The following BMP4 variants were observed in gnomAD, a reference collection of about 807,000 sequenced individuals.
The protein encoded by BMP4 is bone morphogenetic protein 4.
Under a neutral mutation model 29.6 loss-of-function variants are expected in BMP4, and 3 were observed. The observed-to-expected ratio is 0.10, with a 90% CI of 0.05 to 0.26. BMP4 has a LOEUF of 0.26. BMP4 is among the 10% of genes least tolerant of loss of function. BMP4 has a pLI of 1.00. For synonymous variants in BMP4, 197 were observed against 213.2 expected, an observed-to-expected ratio of 0.92 and a Z score of 0.66; for missense variants, 455 against 550.2, an observed-to-expected ratio of 0.83 and a Z score of 1.73.
At chr14:53,956,495 A>G in intron 1 of BMP4, 55 bp downstream of exon 1, 2 of 399,290 alleles carry the variant, frequency 5.0e-6, no homozygotes, top group Non-Finnish European at 4.4e-6. Flanking sequence ...CTTCCCCCCA[A>G]GGAGGCTCCT....
Position 53,949,883 on chromosome 14 carries a change from C to CAA in BMP4, c.*148_*149insTT. 1.6e-6 allele frequency: 1 copy of CAA among 643,742 alleles called. No individual in the cohort carries two copies. The highest frequency in any genetic ancestry group is 2.4e-6 in the Non-Finnish European group (1 of 423,472). The allele number at this position is 643,742 out of a possible 1,614,324, so 39.9% of individuals were successfully genotyped here. A position where few individuals can be genotyped will look rare whatever the true frequency, so the allele number is the denominator to read the frequency against. ...AAGGTGAATGTTTAGGGATTTTTTCCTTTTTTTTTTTTTTTTTTAAATAAA... is the reference window on the plus strand; with the variant it reads ...AAGGTGAATGTTTAGGGATTTTTTCCAATTTTTTTTTTTTTTTTTTAAATAAA... On this transcript the variant is annotated 3_prime_UTR_variant, in exon 4 of 4. Transcript: ENST00000245451.
chr14:53,949,989 T>C lies in BMP4; in HGVS notation c.*43A>G. On this transcript the variant is annotated 3_prime_UTR_variant, in exon 4 of 4. Coordinates refer to ENST00000245451, the MANE Select transcript of BMP4 (RefSeq NM_001202.6). ...GTGTGTGTGGTGTATGTGGTGTGTG[T>C]GTGTGGTGTGTATATCTGTCTATCC... The C allele has an allele frequency of 6.2e-7, 1 of 1,608,418 alleles. No individual in the cohort carries two copies. The highest frequency in any genetic ancestry group is 8.5e-7 in the Non-Finnish European group (1 of 1,176,676).
intron 1 of BMP4, among the ~76,000 whole-genome samples, chr14:53,953,786 G>C (rs1895584069): frequency 6.6e-6 from 1 of 151,928 alleles, no homozygotes; most frequent in African/African-American, 2.4e-5. Context: ...CGCACTGAAG[G>C]GACTGCGTCT....
rs1264231997 is a variant in BMP4, at chr14:53,952,065, A to G, written c.158T>C (p.Leu53Pro). 1 of 1,614,186 alleles carries G rather than the reference A, an allele frequency of 6.2e-7. No individual in the cohort carries two copies. Among genetic ancestry groups the G allele is most frequent in the Non-Finnish European group, 8.5e-7 (1 of 1,180,042 alleles). Reference protein sequence around the residue: ...GGRRSGQSHELLRDFEATLLQ... With the variant: ...GGRRSGQSHEPLRDFEATLLQ... Reference sequence around the variant, plus strand: ...AAGTGTCGCCTCGAAGTCCCGCAGGAGCTCATGGCTCTGCCCTGAGCGGCG... The same window carrying G: ...AAGTGTCGCCTCGAAGTCCCGCAGGGGCTCATGGCTCTGCCCTGAGCGGCG... The change falls in exon 3 of 4, where the codon CTC (leucine) becomes CCC (proline). Residue 53 changes from leucine (L) to proline (P), a missense_variant. Transcript: ENST00000245451.
chr14:53,954,118 G>A lies in BMP4; in HGVS notation c.-132-718C>T, dbSNP rs1052458483. On this transcript the variant is annotated intron_variant, in intron 1 of 3. Coordinates refer to ENST00000245451, the MANE Select transcript of BMP4 (RefSeq NM_001202.6). This position sits in a 1 kb window ranked among gnomAD's most constrained non-coding sequence, Gnocchi z 4.8. Reference sequence around the variant, plus strand: ...CCGACCTTGTCACGCGCGGGGCCGGGAATGGGAGGGAGGGTGTTAGAGGGT... The same window carrying A: ...CCGACCTTGTCACGCGCGGGGCCGGAAATGGGAGGGAGGGTGTTAGAGGGT... Among the ~76,000 whole-genome samples, 2 of 152,196 alleles carry A rather than the reference G, an allele frequency of 1.3e-5. No individual in the cohort carries two copies. Among genetic ancestry groups the A allele is most frequent in the African/African-American group, 4.8e-5 (2 of 41,462 alleles).
At position 53,952,008 on chromosome 14, in the gene BMP4, T is replaced by A; in HGVS notation, c.215A>T (p.Gln72Leu). 2 of 1,613,986 alleles carry A rather than the reference T, an allele frequency of 1.2e-6. No homozygotes were observed. The highest frequency in any genetic ancestry group is 1.7e-6 in the Non-Finnish European group (2 of 1,180,040). Residue 72 changes from glutamine to leucine, a missense_variant, in exon 3 of 4, where the codon CAG becomes CTG. Physicochemically the swap from Gln to Leu is moderately radical, Grantham distance 113. Around this residue, in one of 4 missense-constraint regions of BMP4, gnomAD observed 249 missense variants for 284.6 expected, o/e 0.87. Coordinates refer to ENST00000245451, the MANE Select transcript of BMP4 (RefSeq NM_001202.6). ...LQMFGLRRRP[Q>L]PSKSAVIPDY... ...CGGAATGACGGCACTCTTGCTAGGC[T>A]GCGGGCGGCGGCGCAGCCCAAACAT...
chr14:53,956,414 C>A, intron 1 of BMP4, 136 bp downstream of exon 1: 1 of 398,016 alleles, frequency 2.5e-6, no homozygotes, highest in South Asian at 1.4e-4. Flanking sequence ...CGCCAGCATC[C>A]CCACCTCCAG....
chr14:53,952,313 A>C, intron 2 of BMP4, 84 bp from the exon 3 acceptor site: 1 of 1,498,188 alleles, frequency 6.7e-7, no homozygotes, highest in East Asian at 2.3e-5. Context: ...CTGCATATGC[A>C]TTTAGGGCTA....
chr14:53,956,297 G>T (rs993113053), intron 1 of BMP4, among the ~76,000 whole-genome samples: 6 of 152,086 alleles, frequency 3.9e-5, no homozygotes, highest in Non-Finnish European at 8.8e-5. Flanking sequence ...GGCTTCTCTT[G>T]TTTCTGCTCT....
In BMP4 at chr14:53,954,188, C is replaced by G. The variant is rs1292145791; in HGVS notation, c.-132-788G>C. Among the ~76,000 whole-genome samples the G allele has an allele frequency of 6.6e-6, 1 of 152,008 alleles. No individual in the cohort carries two copies. The highest frequency in any genetic ancestry group is 2.4e-5 in the African/African-American group (1 of 41,400). ...GAGGGAGCGGCTGTTAGTCATTGCT[C>G]CGGGTCCATTACCGAGAATCCCCAA... On this transcript the variant is annotated intron_variant, in intron 1 of 3. Coordinates refer to ENST00000245451, the MANE Select transcript of BMP4 (RefSeq NM_001202.6). This position sits in a 1 kb window ranked among gnomAD's most constrained non-coding sequence, Gnocchi z 4.8.
rs898938343 is a variant in BMP4 at position 53,950,462 on chromosome 14, G to A, written c.797C>T (p.Ala266Val). 3 of 1,613,934 alleles carry A rather than the reference G, an allele frequency of 1.9e-6. No homozygotes were observed. The highest frequency in any genetic ancestry group is 2.7e-5 in the African/African-American group (2 of 75,078). ...GGTGACCAGGAGGGGCCGGAGCTGG[G>A]CCCAATTCCCACTCCCTTGAGGTAA... ...RSLPQGSGNW[A>V]QLRPLLVTFG... The change falls in exon 4 of 4, where the codon GCC (alanine) becomes GTC (valine). Residue 266 changes from alanine to valine, a missense_variant. Physicochemically the swap from Ala to Val is moderately conservative, Grantham distance 64. Transcript: ENST00000245451. This position sits in a 1 kb window ranked among gnomAD's most constrained non-coding sequence, Gnocchi z 5.4.
intron 1 of BMP4, 193 bp from the exon 2 acceptor site, chr14:53,953,593 C>T: frequency 2.8e-6 from 1 of 354,168 alleles, no homozygotes; most frequent in African/African-American, 2.1e-5. Context: ...CCTCCGCGCC[C>T]GCCGCCCGAG....
chr14:53,949,774 T>C lies in BMP4; in HGVS notation c.*258A>G. 2.6e-6 allele frequency: 1 copy of C among 391,084 alleles called. No individual in the cohort carries two copies. The highest frequency in any genetic ancestry group is 4.5e-6 in the Non-Finnish European group (1 of 219,904). The allele number at this position is 391,084 out of a possible 1,614,324, so 24.2% of individuals were successfully genotyped here. A position where few individuals can be genotyped will look rare whatever the true frequency, so the allele number is the denominator to read the frequency against. On this transcript the variant is annotated 3_prime_UTR_variant, in exon 4 of 4. Coordinates refer to ENST00000245451, the MANE Select transcript of BMP4 (RefSeq NM_001202.6). ...TAATGACTCATTTTATTTTTTTCTT[T>C]TAATACGTAGTTATAAATATATTTT...
chr14:53,955,307 C>G lies in BMP4; in HGVS notation c.-133+1243G>C, dbSNP rs1895673925. Among the ~76,000 whole-genome samples, 1 of 152,184 alleles carries G rather than the reference C, an allele frequency of 6.6e-6. No homozygotes were observed. Among genetic ancestry groups the G allele is most frequent in the African/African-American group, 2.4e-5 (1 of 41,456 alleles). On this transcript the variant is annotated intron_variant, in intron 1 of 3. Coordinates refer to ENST00000245451, the MANE Select transcript of BMP4 (RefSeq NM_001202.6). This position sits in a 1 kb window ranked among gnomAD's most constrained non-coding sequence, Gnocchi z 4.0. ...CCGGGTTCCCCGGAAAACCCTCGGC[C>G]CCAAGGAATCTCCTGGGGCGGGAGA...
chr14:53,956,101 C>G (rs948124896), intron 1 of BMP4: 13 of 154,226 alleles, frequency 8.4e-5, no homozygotes, highest in African/African-American at 3.1e-4. Flanking sequence ...TACCGCAGAA[C>G]CTGCTCCAGC....
At chr14:53,951,782 C>G in intron 3 of BMP4, 71 bp downstream of exon 3, 1 of 1,571,108 alleles carries the variant, frequency 6.4e-7, no homozygotes, top group East Asian at 2.2e-5. Flanking sequence ...CTCTTCTTCC[C>G]CAGGGCTTTC....
In BMP4 at chr14:53,951,930, T is replaced by C. The variant is rs1376487986; in HGVS notation, c.293A>G (p.Gln98Arg). 6 of 1,606,434 alleles carry C rather than the reference T, an allele frequency of 3.7e-6. No individual in the cohort carries two copies. The highest frequency in any genetic ancestry group is 5.1e-6 in the Non-Finnish European group (6 of 1,179,978). Residue 98 changes from glutamine (Q) to arginine (R), a missense_variant, in exon 3 of 4, where the codon CAG becomes CGG. Gln to Arg is a conservative substitution (Grantham distance 43, BLOSUM62 1). Around this residue, in one of 4 missense-constraint regions of BMP4, gnomAD observed 249 missense variants for 284.6 expected, o/e 0.87. Transcript: ENST00000245451. The part of the protein sequence containing the change: ...RLQSGEEEEE[Q>R]IHSTGLEYPE... ...ATACTCAAGACCAGTGCTGTGGATC[T>C]GCTCTTCCTCCTCCTCCCCAGACTG...
In BMP4 at chr14:53,950,105, T is replaced by A. The variant is rs1166095129; in HGVS notation, c.1154A>T (p.Tyr385Phe). The A allele has an allele frequency of 6.2e-7, 1 of 1,614,174 alleles. No homozygotes were observed. The highest frequency in any genetic ancestry group is 8.5e-7 in the Non-Finnish European group (1 of 1,180,022). ...TACCACCTTATCATACTCATCCAGG[T>A]ACAGCATGGAGATGGCACTCAGTTC... ...PTELSAISML[Y>F]LDEYDKVVLK... Residue 385 changes from tyrosine to phenylalanine, a missense_variant, in exon 4 of 4, where the codon TAC becomes TTC. Around this residue, in one of 4 missense-constraint regions of BMP4, gnomAD observed 48 missense variants for 90.4 expected, o/e 0.53. Transcript: ENST00000245451. This position sits in a 1 kb window ranked among gnomAD's most constrained non-coding sequence, Gnocchi z 5.4.
rs1422082996 is a variant in BMP4 at position 53,951,004 on chromosome 14, G to A, written c.371-116C>T. On this transcript the variant is annotated intron_variant, in intron 3 of 3. Coordinates refer to ENST00000245451, the MANE Select transcript of BMP4 (RefSeq NM_001202.6). ...ATGAATGGTGAATTCTGCTTATGCA[G>A]GGGAAACCTACTGGGGGAAAATAAG... 5.0e-6 allele frequency: 7 copies of A among 1,407,636 alleles called. No homozygotes were observed. The South Asian group carries it at 5.9e-5, about 12-fold the overall frequency. 87.2% of individuals were successfully genotyped at this position (1,407,636 alleles called of 1,614,324 possible). A position where few individuals can be genotyped will look rare whatever the true frequency, so the allele number is the denominator to read the frequency against.
Sources: allele counts gnomAD v4.1 joint callset (sites outside exome capture counted in the v4.1 genomes callset), GRCh38; gene constraint gnomAD v4.1.1; regional missense constraint gnomAD v4.1.1; non-coding constraint Gnocchi (gnomAD v3.1); transcripts MANE v1.5; gene names NCBI Gene and HGNC (gene_info 2026-07-23, HGNC 2026-07-21).